The following ANO3 variants were observed in gnomAD, a reference collection of about 807,000 sequenced individuals.
ANO3 encodes the protein anoctamin-3.
Under a neutral mutation model 144.8 loss-of-function variants are expected in ANO3, and 99 were observed. The ratio of observed to expected loss-of-function variants is 0.68; its 90% CI spans 0.58 to 0.81. The LOEUF (loss-of-function observed/expected upper bound fraction) is 0.81. Among genes scored for constraint, ANO3 ranks in the 30% least tolerant of loss-of-function variants. The pLI, the probability that ANO3 is intolerant of heterozygous loss-of-function variation, is 0.00. For synonymous variants in ANO3, 414 were observed against 392.6 expected (o/e 1.05, Z -0.64); for missense variants, 905 against 1,202.2 (o/e 0.75, Z 3.66).
At chr11:26,440,052 G>A (rs992302692) in intron 1 of ANO3, among the ~76,000 whole-genome samples, 9 of 152,136 alleles carry the variant, frequency 5.9e-5, no homozygotes, top group Admixed American at 1.3e-4. Flanking sequence ...GTGGTGTGAA[G>A]TCCAAACACA....
chr11:26,189,081 A>G (rs2133900874), exon 1 of ANO3: 1 of 426,270 alleles, frequency 2.3e-6, no homozygotes, highest in Non-Finnish European at 3.1e-6. Context: ...TATAGTTATG[A>G]CTGATTAGAA....
At chr11:26,592,201 G>A (rs293999) in intron 14 of ANO3, among the ~76,000 whole-genome samples, 17,554 of 152,088 alleles carry the variant, frequency 0.12, 1,157 homozygotes, top group Admixed American at 0.21. Context: ...TTGGGAGAGA[G>A]TTACGGATTC....
chr11:26,516,396 G>C (rs566316514), intron 5 of ANO3, among the ~76,000 whole-genome samples: 2 of 151,734 alleles, frequency 1.3e-5, no homozygotes, highest in African/African-American at 4.8e-5. Context: ...GACCTAGTAG[G>C]TACTCAGTAA....
At chr11:26,475,637 T>C (rs530855978) in intron 4 of ANO3, among the ~76,000 whole-genome samples, 3 of 152,180 alleles carry the variant, frequency 2.0e-5, no homozygotes, top group Non-Finnish European at 4.4e-5. Context: ...AGCTTCATAT[T>C]TGAAAACTTT....
intron 1 of ANO3, among the ~76,000 whole-genome samples, chr11:26,263,820 T>C (rs1040716622): frequency 2.6e-5 from 4 of 152,156 alleles, no homozygotes; most frequent in African/African-American, 9.7e-5. Context: ...TAATAGCAAA[T>C]GCAAATAAAA....
chr11:26,404,797 T>C (rs968655832), intron 1 of ANO3, among the ~76,000 whole-genome samples: 1 of 151,736 alleles, frequency 6.6e-6, no homozygotes, highest in Non-Finnish European at 1.5e-5. Flanking sequence ...AAAGGCTTCA[T>C]AAAATATGAA....
intron 17 of ANO3, among the ~76,000 whole-genome samples, chr11:26,604,964 T>G (rs550991872): frequency 4.7e-4 from 71 of 152,232 alleles, no homozygotes; most frequent in African/African-American, 1.6e-3. Flanking sequence ...TGAATAGGAG[T>G]GGTGAGAGAG....
chr11:26,606,494 G>C (rs534298944), intron 17 of ANO3, among the ~76,000 whole-genome samples: 5 of 152,180 alleles, frequency 3.3e-5, no homozygotes, highest in African/African-American at 7.2e-5. Context: ...TTAATTTTCT[G>C]TCTCATTGAT....
chr11:26,371,827 C>A (rs1178791418), intron 1 of ANO3, among the ~76,000 whole-genome samples: 5 of 152,192 alleles, frequency 3.3e-5, no homozygotes. Flanking sequence ...TTGCCCAATG[C>A]CTCTACCCCT....
Position 26,494,226 on chromosome 11 carries a change from A to ATG in ANO3, c.433-13870_433-13869dup, listed in dbSNP as rs202161765. ...CATATATAAATATATATTCATATAT[A>ATG]TGTGTGTGTATATATATATAATTAA... On this transcript the variant is annotated intron_variant, in intron 4 of 26. Coordinates refer to ENST00000256737, the MANE Select transcript of ANO3 (RefSeq NM_031418.4). Among the ~76,000 whole-genome samples the ATG allele has an allele frequency of 5.7e-3, 865 of 150,876 alleles. 10 individuals carry two copies. The highest frequency in any genetic ancestry group is 0.02 in the African/African-American group (826 of 41,012).
upstream of ANO3, among the ~76,000 whole-genome samples, chr11:26,327,464 T>G (rs1306511301): frequency 6.6e-6 from 1 of 152,134 alleles, no homozygotes; most frequent in Non-Finnish European, 1.5e-5. Flanking sequence ...AGAAATGTCA[T>G]TGCTCCCTGA....
chr11:26,281,994 A>G (rs964179059), intron 1 of ANO3, among the ~76,000 whole-genome samples: 1 of 152,202 alleles, frequency 6.6e-6, no homozygotes, highest in Non-Finnish European at 1.5e-5. Context: ...CATGAAAACC[A>G]TTACTTTGCA....
At chr11:26,647,927 GTTT>G (rs1200811339) in intron 24 of ANO3, 71 bp downstream of exon 24, 1 of 1,442,834 alleles carries the variant, frequency 6.9e-7, no homozygotes, top group East Asian at 2.4e-5. Flanking sequence ...TTACTGGGAA[GTTT>G]TGTTCTGTGA....
chr11:26,616,359 AT>A (rs1255154135), intron 17 of ANO3, among the ~76,000 whole-genome samples: 1 of 151,872 alleles, frequency 6.6e-6, no homozygotes, highest in African/African-American at 2.4e-5. Flanking sequence ...AAGAATCACA[AT>A]GACTTTTCAT....
chr11:26,356,950 T>C (rs1479483194), intron 1 of ANO3, among the ~76,000 whole-genome samples: 1 of 152,218 alleles, frequency 6.6e-6, no homozygotes, highest in Non-Finnish European at 1.5e-5. Context: ...GGAAATTATA[T>C]TAATGGCCTA....
At chr11:26,538,362 G>A (rs1590485711) in intron 10 of ANO3, among the ~76,000 whole-genome samples, 2 of 152,118 alleles carry the variant, frequency 1.3e-5, no homozygotes, top group South Asian at 2.1e-4. Flanking sequence ...CATACTTATA[G>A]TAAGAATAGA....
chr11:26,352,058 G>T (rs1365811487), intron 1 of ANO3, among the ~76,000 whole-genome samples: 1 of 152,186 alleles, frequency 6.6e-6, no homozygotes, highest in Non-Finnish European at 1.5e-5. Context: ...CCTCGATGCA[G>T]TAGGAAAGAG....
intron 6 of ANO3, among the ~76,000 whole-genome samples, chr11:26,519,019 T>A (rs1453334976): frequency 1.3e-5 from 2 of 152,128 alleles, no homozygotes; most frequent in Non-Finnish European, 2.9e-5. Context: ...TGTTTTCTAA[T>A]ATCAGGACAA....
intron 5 of ANO3, among the ~76,000 whole-genome samples, chr11:26,512,092 G>A (rs1426993575): frequency 3.9e-5 from 6 of 152,110 alleles, no homozygotes; most frequent in African/African-American, 1.4e-4. Flanking sequence ...ACATAGATTT[G>A]AAGAACAAGA....
Sources: gnomAD v4.1 joint callset for allele counts (sites outside exome capture counted in the v4.1 genomes callset) on GRCh38, gnomAD v4.1.1 for gene constraint, MANE v1.5 for transcripts, NCBI Gene and HGNC (gene_info 2026-07-23, HGNC 2026-07-21) for gene names.